ACTR5: variants seen among roughly 807,000 people sequenced by gnomAD.
The protein encoded by ACTR5 is actin related protein 5, also known as actin-related protein 5.
Under a neutral mutation model 61.2 loss-of-function variants are expected in ACTR5, and 43 were observed. The observed-to-expected ratio is 0.70, with a 90% CI of 0.55 to 0.91. The LOEUF is 0.91. Ranked by LOEUF, ACTR5 falls within the 40% of genes least tolerant of loss-of-function variation. ACTR5 has a pLI of 0.00. For missense variants in ACTR5, 798 were observed against 782.2 expected, an observed-to-expected ratio of 1.02 and a Z score of -0.24; for synonymous variants, 333 against 310.5, an observed-to-expected ratio of 1.07 and a Z score of -0.76.
intron 5 of ACTR5, among the ~76,000 whole-genome samples, chr20:38,762,498 G>C (rs116335622): frequency 3.1e-3 from 477 of 152,334 alleles, no homozygotes; most frequent in African/African-American, 0.011. Context: ...TGTTTGGGGA[G>C]TGTCAAGGTC....
At chr20:38,750,360 G>T in intron 2 of ACTR5, 121 bp downstream of exon 2, 4 of 830,882 alleles carry the variant, frequency 4.8e-6, no homozygotes, top group Non-Finnish European at 7.5e-6. Context: ...TGAGCCGTTG[G>T]GCTTAGCTTT....
At chr20:38,766,104 A>G in intron 6 of ACTR5, 134 bp from the exon 7 acceptor site, 1 of 931,520 alleles carries the variant, frequency 1.1e-6, no homozygotes, top group Non-Finnish European at 1.6e-6. Context: ...AGGTCAAGAG[A>G]GTTGGGAGAA....
chr20:38,772,191 A>G lies in ACTR5; in HGVS notation c.*375A>G. On this transcript the variant is annotated 3_prime_UTR_variant, in exon 9 of 9. Coordinates refer to ENST00000243903, the MANE Select transcript of ACTR5 (RefSeq NM_024855.4). Reference sequence around the variant, plus strand: ...TTTTAAAAAAAATTCTTTAAAATTTATCTTGTCCGTGTAGATACTTTATTC... The same window carrying G: ...TTTTAAAAAAAATTCTTTAAAATTTGTCTTGTCCGTGTAGATACTTTATTC... The G allele has an allele frequency of 4.5e-6, 1 of 223,048 alleles. No individual in the cohort carries two copies. Among genetic ancestry groups the G allele is most frequent in the South Asian group, 8.7e-5 (1 of 11,522 alleles). The allele number at this position is 223,048 out of a possible 1,614,324, so 13.8% of individuals were successfully genotyped here.
rs751478524 is a variant in ACTR5 at position 38,748,664 on chromosome 20, C to A, written c.186C>A (p.Arg62=). The A allele has an allele frequency of 6.6e-7, 1 of 1,517,508 alleles. No individual in the cohort carries two copies. The highest frequency in any genetic ancestry group is 1.4e-5 in the African/African-American group (1 of 69,232). 94.0% of individuals were successfully genotyped at this position (1,517,508 alleles called of 1,614,324 possible). ...GTCCCGAGCCGCGCCTGCAGTTCCG[C>A]GCGGTGTGCGCCCGCGGTCGTGGCG... The part of the protein sequence containing the change: ...DPGPEPRLQF[R]AVCARGRGGA... The change falls in exon 1 of 9, where the codon CGC becomes CGA. Residue 62 remains arginine, a synonymous_variant. Coordinates refer to ENST00000243903, the MANE Select transcript of ACTR5 (RefSeq NM_024855.4).
chr20:38,757,448 A>C (rs1278212116), intron 5 of ACTR5, among the ~76,000 whole-genome samples: 2 of 152,234 alleles, frequency 1.3e-5, no homozygotes, highest in Non-Finnish European at 2.9e-5. Flanking sequence ...TGTTTTAGGC[A>C]GGATAAACCA....
chr20:38,754,869 G>GT, intron 3 of ACTR5, 88 bp from the exon 4 acceptor site: 5 of 1,363,418 alleles, frequency 3.7e-6, no homozygotes, highest in Non-Finnish European at 5.1e-6. Flanking sequence ...GATTACAGGC[G>GT]TGAGCCCCTG....
At chr20:38,765,035 G>A (rs954367210) in intron 5 of ACTR5, among the ~76,000 whole-genome samples, 8 of 152,248 alleles carry the variant, frequency 5.3e-5, no homozygotes, top group African/African-American at 1.9e-4. Flanking sequence ...TAGCTGCCTT[G>A]TAGGATAGCA....
At chr20:38,759,322 T>TACAG (rs2084439430) in intron 5 of ACTR5, among the ~76,000 whole-genome samples, 1 of 152,228 alleles carries the variant, frequency 6.6e-6, no homozygotes, top group Non-Finnish European at 1.5e-5. Context: ...AACAGTCATA[T>TACAG]TAGTGTTTCT....
chr20:38,755,588 T>TC (rs1324803815), intron 4 of ACTR5, among the ~76,000 whole-genome samples: 4,202 of 134,996 alleles, frequency 0.031, 87 homozygotes, highest in Non-Finnish European at 0.031. Context: ...TTCCTTCACA[T>TC]CCCCCGCCCC....
intron 1 of ACTR5, 61 bp from the exon 2 acceptor site, chr20:38,749,949 T>C: frequency 1.4e-6 from 2 of 1,479,374 alleles, no homozygotes; most frequent in Non-Finnish European, 1.9e-6. Context: ...TTGGGTTCTT[T>C]TATGCTTCAA....
intron 4 of ACTR5, among the ~76,000 whole-genome samples, chr20:38,755,593 CG>C (rs111326757): frequency 0.029 from 4,407 of 150,448 alleles, 114 homozygotes; most frequent in Admixed American, 0.072. Context: ...TCACATCCCC[CG>C]CCCCACCAAA....
At chr20:38,767,218 T>C (rs776213986) in intron 7 of ACTR5, among the ~76,000 whole-genome samples, 2 of 152,196 alleles carry the variant, frequency 1.3e-5, no homozygotes, top group Non-Finnish European at 2.9e-5. Flanking sequence ...TATAAAAGTA[T>C]AAAAATTCTA....
At chr20:38,752,685 T>G (rs2084394197) in intron 3 of ACTR5, among the ~76,000 whole-genome samples, 2 of 152,258 alleles carry the variant, frequency 1.3e-5, no homozygotes, top group South Asian at 4.1e-4. Context: ...AAACTTGTCT[T>G]GGACTTTTGG....
rs1185949424 is a variant in ACTR5, at chr20:38,767,547, GA to G, written c.1519del (p.Met507TrpfsTer8). Reference protein sequence around the residue: ...GNTMYPGMKARMEKELLEMRP... With the variant: ...GNTMYPGMKAXMEKELLEMRP... The stretch of plus-strand genomic sequence containing the variant: ...ACGATGTATCCTGGCATGAAAGCCA[GA>G]ATGGAGAAGGAACTGTTGGAGATGA... On this transcript the variant is annotated frameshift_variant, in exon 8 of 9. Coordinates refer to ENST00000243903, the MANE Select transcript of ACTR5 (RefSeq NM_024855.4). LOFTEE classifies it high-confidence loss of function. 2 of 1,614,158 alleles carry G rather than the reference GA, an allele frequency of 1.2e-6. No homozygotes were observed. The highest frequency in any genetic ancestry group is 1.7e-6 in the Non-Finnish European group (2 of 1,180,000).
intron 3 of ACTR5, among the ~76,000 whole-genome samples, chr20:38,753,026 C>T (rs1265478818): frequency 2.6e-5 from 4 of 152,072 alleles, no homozygotes; most frequent in Admixed American, 6.6e-5. Context: ...CTTTAGAAAG[C>T]ATTTATTAAA....
At chr20:38,751,403 T>G (rs1329393234) in intron 2 of ACTR5, among the ~76,000 whole-genome samples, 1 of 152,208 alleles carries the variant, frequency 6.6e-6, no homozygotes, top group Non-Finnish European at 1.5e-5. Flanking sequence ...TACCAAATGC[T>G]CCTGATGTAT....
At chr20:38,749,161 T>C (rs1349111210) in intron 1 of ACTR5, among the ~76,000 whole-genome samples, 2 of 152,242 alleles carry the variant, frequency 1.3e-5, no homozygotes, top group Non-Finnish European at 2.9e-5. Context: ...CAAAACTTCC[T>C]GTGCTTATGG....
intron 2 of ACTR5, 63 bp from the exon 3 acceptor site, chr20:38,752,068 C>T (rs2084390326): frequency 4.5e-6 from 7 of 1,542,506 alleles, no homozygotes; most frequent in African/African-American, 2.7e-5. Flanking sequence ...TTGTTTCTCC[C>T]AAGATGCTCC....
intron 8 of ACTR5, among the ~76,000 whole-genome samples, chr20:38,771,316 G>C (rs911412106): frequency 2.0e-4 from 30 of 152,324 alleles, no homozygotes; most frequent in African/African-American, 7.2e-4. Flanking sequence ...GCCCCTCTCT[G>C]ACCCCGAGTG....
Sources: allele counts gnomAD v4.1 joint callset (sites outside exome capture counted in the v4.1 genomes callset), GRCh38; gene constraint gnomAD v4.1.1; transcripts MANE v1.5; gene names NCBI Gene and HGNC (gene_info 2026-07-23, HGNC 2026-07-21).